CLVS1: variants seen among roughly 807,000 people sequenced by gnomAD.
The protein encoded by CLVS1 is clavesin 1.
CLVS1 carries 10 observed loss-of-function variants against 33.1 expected under a neutral mutation model. The ratio of observed to expected loss-of-function variants is 0.30; its 90% CI spans 0.19 to 0.51. CLVS1 has a LOEUF of 0.51. Among genes scored for constraint, CLVS1 ranks in the 20% least tolerant of loss-of-function variants. The probability of loss-of-function intolerance (pLI) is 0.97; values close to 1 mark genes in which losing one functional copy is unlikely to be tolerated. For synonymous variants in CLVS1, 163 were observed against 166.1 expected, an observed-to-expected ratio of 0.98 and a Z score of 0.14; for missense variants, 343 against 433.4, an observed-to-expected ratio of 0.79 and a Z score of 1.85.
At chr8:61,170,216 C>T (rs1322377485) in intron 2 of CLVS1, among the ~76,000 whole-genome samples, 2 of 152,140 alleles carry the variant, frequency 1.3e-5, no homozygotes, top group Non-Finnish European at 2.9e-5. Context: ...ACACTGGCTA[C>T]TATGTGGTGA....
intron 2 of CLVS1, among the ~76,000 whole-genome samples, chr8:61,257,482 C>G (rs1205912230): frequency 6.6e-6 from 1 of 152,144 alleles, no homozygotes; most frequent in Admixed American, 6.5e-5. Flanking sequence ...GCCTTCAATT[C>G]TCTGTCCTCT....
At chr8:61,447,405 A>T (rs1816793364) in intron 3 of CLVS1, among the ~76,000 whole-genome samples, 1 of 152,000 alleles carries the variant, frequency 6.6e-6, no homozygotes, top group Non-Finnish European at 1.5e-5. Context: ...GAGCTTAAGT[A>T]TGCCATTCTA....
intron 3 of CLVS1, among the ~76,000 whole-genome samples, chr8:61,449,392 G>T (rs898516092): frequency 6.6e-6 from 1 of 152,206 alleles, no homozygotes; most frequent in Non-Finnish European, 1.5e-5. Context: ...GTGAAATAGG[G>T]TCTCATTATT....
chr8:61,354,219 C>T (rs180678302), intron 2 of CLVS1, among the ~76,000 whole-genome samples: 98 of 152,106 alleles, frequency 6.4e-4, no homozygotes, highest in South Asian at 2.1e-3. Context: ...GAAGCCTATT[C>T]GACATCACTA....
At chr8:61,235,659 C>A (rs1808541887) in intron 2 of CLVS1, among the ~76,000 whole-genome samples, 1 of 152,156 alleles carries the variant, frequency 6.6e-6, no homozygotes, top group Non-Finnish European at 1.5e-5. Flanking sequence ...CAATCCTTTT[C>A]CTTGCCTGAT....
intron 1 of CLVS1, among the ~76,000 whole-genome samples, chr8:61,100,754 A>G (rs1052763627): frequency 6.6e-6 from 1 of 151,898 alleles, no homozygotes; most frequent in Non-Finnish European, 1.5e-5. Flanking sequence ...ACCCTCTCCC[A>G]CAACCCTAGG....
intron 2 of CLVS1, among the ~76,000 whole-genome samples, chr8:61,343,858 T>C (rs1175494610): frequency 6.6e-6 from 1 of 152,128 alleles, no homozygotes; most frequent in African/African-American, 2.4e-5. Flanking sequence ...AAATAAAACA[T>C]TTCTGCTGTC....
At position 61,427,991 on chromosome 8, in the gene CLVS1, C is replaced by T. The variant is rs73685010; in HGVS notation, c.631-26150C>T. ...CACCAATAACACAAAACCCAAAACACACTCCAAATCTGCTCCTAGGAAATA... is the reference window on the plus strand; with the variant it reads ...CACCAATAACACAAAACCCAAAACATACTCCAAATCTGCTCCTAGGAAATA... On this transcript the variant is annotated intron_variant, in intron 3 of 5. Coordinates refer to ENST00000325897, the MANE Select transcript of CLVS1 (RefSeq NM_173519.3). Among the ~76,000 whole-genome samples the T allele has an allele frequency of 7.2e-3, 1,097 of 152,310 alleles. 16 individuals are homozygous for T. Among genetic ancestry groups the T allele is most frequent in the African/African-American group, 0.025 (1,058 of 41,566 alleles).
At chr8:61,230,916 G>A (rs1309754581) in intron 2 of CLVS1, among the ~76,000 whole-genome samples, 1 of 152,106 alleles carries the variant, frequency 6.6e-6, no homozygotes, top group Non-Finnish European at 1.5e-5. Flanking sequence ...AGTGGAGAGG[G>A]CAAGGGGGCT....
chr8:61,147,061 A>G (rs1563420571), intron 2 of CLVS1, among the ~76,000 whole-genome samples: 3 of 152,266 alleles, frequency 2.0e-5, no homozygotes, highest in South Asian at 4.1e-4. Flanking sequence ...CTTGACAAAG[A>G]GCAGCTGAAA....
intron 1 of CLVS1, among the ~76,000 whole-genome samples, chr8:61,121,328 G>A (rs112979041): frequency 0.015 from 2,289 of 152,238 alleles, 25 homozygotes; most frequent in Non-Finnish European, 0.024. Context: ...AGAAATCACC[G>A]TCTTCTGCGT....
chr8:61,365,008 G>T (rs1166687270), intron 2 of CLVS1, among the ~76,000 whole-genome samples: 3 of 152,186 alleles, frequency 2.0e-5, no homozygotes, highest in African/African-American at 4.8e-5. Context: ...CCTCTTGATT[G>T]CAAGAGTGAC....
chr8:61,347,812 TATG>T (rs1812282595), intron 2 of CLVS1, among the ~76,000 whole-genome samples: 3 of 151,226 alleles, frequency 2.0e-5, no homozygotes, highest in South Asian at 4.2e-4. Context: ...TGCTGAATCA[TATG>T]ATAGTTCTAT....
chr8:61,135,433 T>A (rs113732787), intron 2 of CLVS1, among the ~76,000 whole-genome samples: 8 of 152,068 alleles, frequency 5.3e-5, no homozygotes, highest in African/African-American at 1.9e-4. Flanking sequence ...TGAGGAGCCA[T>A]GAGATTGTGC....
the CLVS1 span, among the ~76,000 whole-genome samples, chr8:60,991,419 T>C: frequency 2.6e-5 from 4 of 152,352 alleles, no homozygotes; most frequent in South Asian, 8.3e-4. Context: ...CTTTCTGGTT[T>C]TGGAAAACAT....
the CLVS1 span, chr8:60,965,804 T>C: frequency 6.6e-6 from 1 of 152,486 alleles, no homozygotes; most frequent in Non-Finnish European, 1.5e-5. Context: ...GTGTGTGATT[T>C]TGTTTTTTTG....
the CLVS1 span, among the ~76,000 whole-genome samples, chr8:61,047,700 C>A: frequency 1.3e-5 from 2 of 152,094 alleles, no homozygotes; most frequent in African/African-American, 2.4e-5. Context: ...GGACAAAAAA[C>A]CAAACACCGC....
chr8:61,311,244 C>T (rs1474871923), intron 2 of CLVS1, among the ~76,000 whole-genome samples: 1 of 152,170 alleles, frequency 6.6e-6, no homozygotes, highest in Admixed American at 6.5e-5. Flanking sequence ...CCGGCTTCCT[C>T]GACCCACTGC....
upstream of CLVS1, among the ~76,000 whole-genome samples, chr8:61,053,403 CA>C (rs1804419476): frequency 1.3e-5 from 2 of 152,168 alleles, no homozygotes; most frequent in Non-Finnish European, 2.9e-5. Flanking sequence ...AGAGGAAAAC[CA>C]ATGCTGTGTG....
Sources: allele counts gnomAD v4.1 joint callset (sites outside exome capture counted in the v4.1 genomes callset), GRCh38; gene constraint gnomAD v4.1.1; transcripts MANE v1.5; gene names NCBI Gene and HGNC (gene_info 2026-07-23, HGNC 2026-07-21).